Variants in EDEM3 observed in about 807,000 individuals in gnomAD.
EDEM3 encodes ER degradation-enhancing alpha-mannosidase-like protein 3.
In EDEM3, 60 loss-of-function variants were observed where a neutral mutation model predicts 110.2. The ratio of observed to expected loss-of-function variants is 0.54; its 90% CI spans 0.44 to 0.67. The LOEUF is 0.67. EDEM3 is among the 30% of genes least tolerant of loss of function. EDEM3 has a pLI of 0.00. For synonymous variants in EDEM3, 352 were observed against 382.9 expected (o/e 0.92, Z 0.94); for missense variants, 996 against 1,121.0 (o/e 0.89, Z 1.59).
chr1:184,715,093 T>G (rs542284716), intron 13 of EDEM3, among the ~76,000 whole-genome samples: 1 of 152,188 alleles, frequency 6.6e-6, no homozygotes, highest in African/African-American at 2.4e-5. Flanking sequence ...ATCAGCCTCA[T>G]AGAACATTAG....
intron 6 of EDEM3, 116 bp downstream of exon 6, chr1:184,732,721 A>G: frequency 9.7e-7 from 1 of 1,031,066 alleles, no homozygotes; most frequent in Non-Finnish European, 1.4e-6. Context: ...TATAGCTTTG[A>G]AGCATTTTTT....
chr1:184,692,014 T>C lies in EDEM3; in HGVS notation c.*2049A>G, dbSNP rs1649085105. ...TGTTGGAAAAGAAATTAGGTTGTTT[T>C]GATAACTTAGAAAAGTTAGTTTTAG... On this transcript the variant is annotated 3_prime_UTR_variant, in exon 20 of 20. Coordinates refer to ENST00000318130, the MANE Select transcript of EDEM3 (RefSeq NM_025191.4). 6.6e-6 allele frequency: 1 copy of C among 152,124 alleles called. No individual in the cohort carries two copies. Among genetic ancestry groups the C allele is most frequent in the Non-Finnish European group, 1.5e-5 (1 of 67,996 alleles). The allele number at this position is 152,124 out of a possible 1,614,324, so 9.4% of individuals were successfully genotyped here.
At position 184,726,353 on chromosome 1, in the gene EDEM3, G is replaced by A. The variant is rs200009814; in HGVS notation, c.649C>T (p.Arg217Trp). 14 of 1,613,382 alleles carry A rather than the reference G, an allele frequency of 8.7e-6. No individual in the cohort carries two copies. The highest frequency in any genetic ancestry group is 1.6e-4 in the Middle Eastern group (1 of 6,082). ...CAGGTATCTGTCTCAGTTCCTGTCCGAGCTTCTGGTTTTCTGATGCCAAAC... is the reference window on the plus strand; with the variant it reads ...CAGGTATCTGTCTCAGTTCCTGTCCAAGCTTCTGGTTTTCTGATGCCAAAC... ...LKFGIRKPEA[R>W]TGTETDTCTA... is the part of the protein sequence containing the mutation. The change falls in exon 7 of 20, where the codon CGG becomes TGG. Residue 217 changes from arginine to tryptophan, a missense_variant. By Grantham distance (101) the Arg-to-Trp change is moderately radical. This residue lies in a region of EDEM3 where 310 missense variants were observed against 394.6 expected (regional missense o/e 0.79). Coordinates refer to ENST00000318130, the MANE Select transcript of EDEM3 (RefSeq NM_025191.4).
chr1:184,692,642 C>A lies in EDEM3; in HGVS notation c.*1421G>T, dbSNP rs1252176351. The A allele has an allele frequency of 1.3e-5, 2 of 151,918 alleles. No individual in the cohort carries two copies. The highest frequency in any genetic ancestry group is 1.9e-4 in the East Asian group (1 of 5,198). 9.4% of individuals were successfully genotyped at this position (151,918 alleles called of 1,614,324 possible). ...ATGTCTCTTAAATATTCCTTTAGAA[C>A]AAATTCAGGCAAGTTTAAAAAATAA... On this transcript the variant is annotated 3_prime_UTR_variant, in exon 20 of 20. Coordinates refer to ENST00000318130, the MANE Select transcript of EDEM3 (RefSeq NM_025191.4).
intron 19 of EDEM3, among the ~76,000 whole-genome samples, chr1:184,697,648 C>T (rs1422916019): frequency 6.6e-6 from 1 of 151,644 alleles, no homozygotes; most frequent in African/African-American, 2.4e-5. Context: ...TAACTGACAA[C>T]TCAATTGGAA....
At chr1:184,701,453 T>C in intron 19 of EDEM3, 1 of 1,186,000 alleles carries the variant, frequency 8.4e-7, no homozygotes, top group Non-Finnish European at 1.1e-6. Flanking sequence ...CCCAAATACA[T>C]ATATACGTAT....
At chr1:184,711,217 G>C (rs927146368) in intron 15 of EDEM3, among the ~76,000 whole-genome samples, 1 of 152,048 alleles carries the variant, frequency 6.6e-6, no homozygotes. Flanking sequence ...TACTGCCTCA[G>C]CTTCCCGAGT....
Position 184,734,562 on chromosome 1 carries a change from A to G in EDEM3, c.427T>C (p.Ser143Pro). Reference sequence around the variant, plus strand: ...ACTCTGATGTTTGTTTCAAAGACTGATACGACTACATCGTTATCTAAATTA... The same window carrying G: ...ACTCTGATGTTTGTTTCAAAGACTGGTACGACTACATCGTTATCTAAATTA... ...DVNLDNDVVV[S>P]VFETNIRVLG... is the part of the protein sequence containing the mutation. The change falls in exon 5 of 20, where the codon TCA (serine) becomes CCA (proline). Residue 143 changes from serine (S) to proline (P), a missense_variant. This residue lies in a region of EDEM3 where 200 missense variants were observed against 183.8 expected (regional missense o/e 1.09). Coordinates refer to ENST00000318130, the MANE Select transcript of EDEM3 (RefSeq NM_025191.4). The G allele has an allele frequency of 6.5e-7, 1 of 1,541,760 alleles. No homozygotes were observed. Among genetic ancestry groups the G allele is most frequent in the South Asian group, 1.3e-5 (1 of 78,534 alleles).
intron 18 of EDEM3, among the ~76,000 whole-genome samples, chr1:184,703,540 ATAAGC>A (rs1649744942): frequency 6.6e-6 from 1 of 152,224 alleles, no homozygotes; most frequent in Non-Finnish European, 1.5e-5. Context: ...TTCTTCCTCT[ATAAGC>A]TAAACTAAAC....
In EDEM3 at chr1:184,737,644, G is replaced by C. The variant is rs1651907671; in HGVS notation, c.272C>G (p.Pro91Arg). 2 of 1,614,018 alleles carry C rather than the reference G, an allele frequency of 1.2e-6. No homozygotes were observed. Among genetic ancestry groups the C allele is most frequent in the East Asian group, 4.5e-5 (2 of 44,876 alleles). Residue 91 changes from proline (P) to arginine (R), a missense_variant, in exon 3 of 20, where the codon CCA becomes CGA. Coordinates refer to ENST00000318130, the MANE Select transcript of EDEM3 (RefSeq NM_025191.4). The part of the protein sequence containing the change: ...TCRGRVRGQE[P>R]SRGDVDDALG... ...GGCATCATCAACGTCACCGCGACTT[G>C]GCTCTTGGCCTCTAACTCGACCTCT...
At chr1:184,699,291 A>G (rs538446650) in intron 19 of EDEM3, among the ~76,000 whole-genome samples, 42 of 151,952 alleles carry the variant, frequency 2.8e-4, no homozygotes, top group African/African-American at 9.6e-4. Context: ...GTAGAACTGT[A>G]TTAAAAGGAC....
intron 6 of EDEM3, among the ~76,000 whole-genome samples, chr1:184,732,250 A>T (rs1391329865): frequency 6.6e-6 from 1 of 151,938 alleles, no homozygotes; most frequent in Non-Finnish European, 1.5e-5. Context: ...TGTGGGAGCT[A>T]AAATTTAAAA....
chr1:184,741,270 G>A (rs139493860), intron 2 of EDEM3, among the ~76,000 whole-genome samples: 1 of 151,896 alleles, frequency 6.6e-6, no homozygotes, highest in Non-Finnish European at 1.5e-5. Context: ...GTGGTGGCAG[G>A]CATCTGTAAT....
intron 7 of EDEM3, among the ~76,000 whole-genome samples, chr1:184,724,897 G>C (rs1040470869): frequency 8.4e-4 from 127 of 152,082 alleles, no homozygotes; most frequent in Non-Finnish European, 1.2e-3. Context: ...ATATATATTA[G>C]ACCAAGGGTC....
intron 6 of EDEM3, among the ~76,000 whole-genome samples, chr1:184,727,058 A>G (rs1220566657): frequency 6.6e-6 from 1 of 152,198 alleles, no homozygotes; most frequent in African/African-American, 2.4e-5. Flanking sequence ...TTGTGAGGCC[A>G]AGGCGAGTGG....
intron 2 of EDEM3, among the ~76,000 whole-genome samples, chr1:184,741,442 C>T (rs1326143476): frequency 6.6e-6 from 1 of 151,778 alleles, no homozygotes; most frequent in Admixed American, 6.6e-5. Context: ...AATGAAATGA[C>T]CTTAAATTTC....
chr1:184,721,647 T>C (rs1650908015), intron 8 of EDEM3, among the ~76,000 whole-genome samples: 1 of 152,008 alleles, frequency 6.6e-6, no homozygotes, highest in African/African-American at 2.4e-5. Context: ...TATAAATGAA[T>C]AGTAAATTCA....
At position 184,754,299 on chromosome 1, in the gene EDEM3, CCCCGAGGT is replaced by C. The variant is rs545423104; in HGVS notation, c.158+182_158+189del. Among the ~76,000 whole-genome samples, 313 of 152,330 alleles carry C rather than the reference CCCCGAGGT, an allele frequency of 2.1e-3. 1 individual carries two copies. Among genetic ancestry groups the C allele is most frequent in the African/African-American group, 7.1e-3 (297 of 41,572 alleles). On this transcript the variant is annotated intron_variant, in intron 1 of 19. Coordinates refer to ENST00000318130, the MANE Select transcript of EDEM3 (RefSeq NM_025191.4). ...GGCCAGGGCGACACCCCGTCAGCTC[CCCCGAGGT>C]CAGGTCGCGGGCGGCGGTTCCCACC...
chr1:184,697,067 G>A (rs1649369933), intron 19 of EDEM3, among the ~76,000 whole-genome samples: 1 of 151,728 alleles, frequency 6.6e-6, no homozygotes, highest in Non-Finnish European at 1.5e-5. Context: ...TTGGTAAGAA[G>A]ACTATGCAAA....
Sources: allele counts gnomAD v4.1 joint callset (sites outside exome capture counted in the v4.1 genomes callset), GRCh38; gene constraint gnomAD v4.1.1; regional missense constraint gnomAD v4.1.1; transcripts MANE v1.5; gene names NCBI Gene and HGNC (gene_info 2026-07-23, HGNC 2026-07-21).